Variants in RARB observed in about 807,000 individuals in gnomAD.
The protein encoded by RARB is retinoic acid receptor beta.
RARB carries 17 observed loss-of-function variants against 51.9 expected under a neutral mutation model. That is an observed-to-expected ratio of 0.33 (90% CI 0.22 to 0.49). RARB has a LOEUF of 0.49. Among genes scored for constraint, RARB ranks in the 20% least tolerant of loss-of-function variants. The probability of loss-of-function intolerance (pLI) is 0.99; values close to 1 mark genes in which losing one functional copy is unlikely to be tolerated. For missense variants in RARB, 369 were observed against 550.8 expected, an observed-to-expected ratio of 0.67 and a Z score of 3.30; for synonymous variants, 215 against 195.4, an observed-to-expected ratio of 1.10 and a Z score of -0.84.
rs537984876 is a variant in RARB at position 25,320,813 on chromosome 3, A to T, written c.179-140380A>T. Among the ~76,000 whole-genome samples, 176 of 152,314 alleles carry T rather than the reference A, an allele frequency of 1.2e-3. 1 individual carries two copies. The highest frequency in any genetic ancestry group is 3.4e-3 in the Middle Eastern group (1 of 294). On this transcript the variant is annotated intron_variant, in intron 5 of 11. Transcript: ENST00000383772. The stretch of plus-strand genomic sequence containing the variant: ...ATTTGGGTTCTTTCCCAGTGAACTC[A>T]TCGGCTCCTGCTTCCTTCAGTCTTG...
At chr3:24,866,327 C>T (rs894281997) in intron 2 of RARB, among the ~76,000 whole-genome samples, 81 of 152,224 alleles carry the variant, frequency 5.3e-4, no homozygotes, top group African/African-American at 1.9e-3. Context: ...CTCAAATCCA[C>T]TCTACTCTCA....
chr3:25,045,458 A>G (rs561150607), intron 2 of RARB, among the ~76,000 whole-genome samples: 1 of 152,236 alleles, frequency 6.6e-6, no homozygotes, highest in African/African-American at 2.4e-5. Context: ...TCCCTTCCTG[A>G]CATTCAAAGC....
intron 1 of RARB, among the ~76,000 whole-genome samples, chr3:24,840,393 T>C (rs921486351): frequency 3.3e-5 from 5 of 152,204 alleles, no homozygotes; most frequent in African/African-American, 1.2e-4. Context: ...CTCTGTCTAT[T>C]GCCCCCTTAG....
intron 2 of RARB, among the ~76,000 whole-genome samples, chr3:25,500,419 C>A (rs1470385126): frequency 7.0e-6 from 1 of 142,002 alleles, no homozygotes; most frequent in African/African-American, 2.7e-5. Flanking sequence ...CTAACTCTTG[C>A]ATTAGGCAAA....
intron 5 of RARB, among the ~76,000 whole-genome samples, chr3:25,321,227 C>T (rs1704560088): frequency 6.6e-6 from 1 of 152,140 alleles, no homozygotes; most frequent in African/African-American, 2.4e-5. Flanking sequence ...TGCATTCAGA[C>T]TTTGGGAACT....
At chr3:25,586,189 C>T (rs1286434697) in intron 5 of RARB, among the ~76,000 whole-genome samples, 1 of 152,094 alleles carries the variant, frequency 6.6e-6, no homozygotes, top group Non-Finnish European at 1.5e-5. Context: ...ACCCTCTTCT[C>T]CTCATGTTCT....
At chr3:25,178,742 G>C (rs930709065) in intron 5 of RARB, among the ~76,000 whole-genome samples, 4 of 152,188 alleles carry the variant, frequency 2.6e-5, no homozygotes, top group Non-Finnish European at 4.4e-5. Flanking sequence ...ATGGAGACTT[G>C]AGAGAGTGCC....
At chr3:25,593,835 A>G in intron 6 of RARB, 128 bp downstream of exon 6, 1 of 826,488 alleles carries the variant, frequency 1.2e-6, no homozygotes, top group South Asian at 1.8e-5. Context: ...AAAGCCAGGC[A>G]TACATGCCTG....
chr3:25,334,436 A>C (rs1404747670), intron 5 of RARB, among the ~76,000 whole-genome samples: 1 of 152,206 alleles, frequency 6.6e-6, no homozygotes, highest in Non-Finnish European at 1.5e-5. Flanking sequence ...AGGACAGAAA[A>C]GCAAACACCG....
chr3:25,223,415 T>C (rs1267397258), intron 5 of RARB, among the ~76,000 whole-genome samples: 2 of 152,212 alleles, frequency 1.3e-5, no homozygotes, highest in African/African-American at 4.8e-5. Flanking sequence ...TCCATATGAA[T>C]TTGATAACAA....
intron 5 of RARB, among the ~76,000 whole-genome samples, chr3:25,312,822 T>C (rs989905244): frequency 2.0e-5 from 3 of 152,178 alleles, no homozygotes; most frequent in Admixed American, 2.0e-4. Context: ...GGAGCAGCTG[T>C]CCCTCGCGGA....
chr3:25,032,959 C>T (rs1385558760), intron 2 of RARB, among the ~76,000 whole-genome samples: 1 of 152,190 alleles, frequency 6.6e-6, no homozygotes, highest in Non-Finnish European at 1.5e-5. Flanking sequence ...AAGCAGTACT[C>T]AGTGAAACCC....
intron 3 of RARB, among the ~76,000 whole-genome samples, chr3:25,064,847 G>C (rs965948174): frequency 6.6e-6 from 1 of 152,142 alleles, no homozygotes; most frequent in African/African-American, 2.4e-5. Flanking sequence ...GATGCTGTTA[G>C]ATGCCAAGGT....
chr3:25,477,782 A>G (rs1696030557), intron 2 of RARB, among the ~76,000 whole-genome samples: 2 of 152,198 alleles, frequency 1.3e-5, no homozygotes. Context: ...GCAAATCTTA[A>G]TAGCATAAAA....
intron 2 of RARB, among the ~76,000 whole-genome samples, chr3:25,019,931 A>T (rs889309216): frequency 6.6e-6 from 1 of 151,972 alleles, no homozygotes; most frequent in Admixed American, 6.6e-5. Flanking sequence ...CCCAACTTTC[A>T]TACTCTTAAC....
chr3:24,985,785 T>G (rs1345559392), intron 2 of RARB, among the ~76,000 whole-genome samples: 1 of 152,230 alleles, frequency 6.6e-6, no homozygotes, highest in African/African-American at 2.4e-5. Flanking sequence ...AGCAGCTGTG[T>G]TAATTAGATA....
chr3:25,194,447 A>G (rs1365802371), intron 5 of RARB, among the ~76,000 whole-genome samples: 5 of 151,348 alleles, frequency 3.3e-5, no homozygotes, highest in East Asian at 3.9e-4. Context: ...GCTTGACAGT[A>G]GTAATCAAAT....
intron 5 of RARB, among the ~76,000 whole-genome samples, chr3:25,279,138 G>T (rs1246888173): frequency 6.6e-6 from 1 of 152,168 alleles, no homozygotes; most frequent in Non-Finnish European, 1.5e-5. Flanking sequence ...CAGAAACGGT[G>T]CAAGTAATGG....
At chr3:25,255,592 G>A (rs1702844610) in intron 5 of RARB, among the ~76,000 whole-genome samples, 1 of 152,096 alleles carries the variant, frequency 6.6e-6, no homozygotes. Flanking sequence ...GTGAACAAGA[G>A]TCAGTACTTG....
Sources: allele counts gnomAD v4.1 joint callset (sites outside exome capture counted in the v4.1 genomes callset), GRCh38; gene constraint gnomAD v4.1.1; transcripts MANE v1.5; gene names NCBI Gene and HGNC (gene_info 2026-07-23, HGNC 2026-07-21).